Variants in LAMA2 observed in about 807,000 individuals in gnomAD.
LAMA2 encodes laminin subunit alpha 2.
A neutral mutation model predicts 364.8 loss-of-function variants in LAMA2; 269 were observed. The observed-to-expected ratio is 0.74, with a 90% CI of 0.67 to 0.82. The LOEUF (loss-of-function observed/expected upper bound fraction) is 0.82. Ranked by LOEUF, LAMA2 falls within the 40% of genes least tolerant of loss-of-function variation. The probability of loss-of-function intolerance (pLI) is 0.00; values close to 1 mark genes in which losing one functional copy is unlikely to be tolerated. For missense variants in LAMA2, 3,807 were observed against 3,873.2 expected, an observed-to-expected ratio of 0.98 and a Z score of 0.45; for synonymous variants, 1,379 against 1,370.6, an observed-to-expected ratio of 1.01 and a Z score of -0.14.
intron 40 of LAMA2, among the ~76,000 whole-genome samples, chr6:129,414,468 T>C (rs749502848): frequency 9.9e-5 from 15 of 152,090 alleles, no homozygotes; most frequent in Non-Finnish European, 2.1e-4. Flanking sequence ...TCTGTAAATA[T>C]ACAGTAAAAC....
chr6:129,092,344 C>T (rs1244856662), intron 3 of LAMA2, among the ~76,000 whole-genome samples: 1 of 152,146 alleles, frequency 6.6e-6, no homozygotes, highest in Admixed American at 6.5e-5. Flanking sequence ...TATAAAGATT[C>T]CCAGATTATT....
At chr6:129,078,084 G>C (rs1773773291) in intron 3 of LAMA2, among the ~76,000 whole-genome samples, 1 of 151,936 alleles carries the variant, frequency 6.6e-6, no homozygotes, top group Non-Finnish European at 1.5e-5. Context: ...GTGATAATAG[G>C]GGAGGTTATA....
intron 55 of LAMA2, among the ~76,000 whole-genome samples, chr6:129,483,069 A>ACCC (rs1354126953): frequency 6.8e-6 from 1 of 147,420 alleles, no homozygotes; most frequent in Non-Finnish European, 1.5e-5. Context: ...TCCGACTCGA[A>ACCC]AAAAAAAAAA....
chr6:129,408,862 T>C (rs979939830), intron 40 of LAMA2, among the ~76,000 whole-genome samples: 4 of 152,044 alleles, frequency 2.6e-5, no homozygotes, highest in African/African-American at 9.7e-5. Flanking sequence ...ACAGAATGAG[T>C]CATCCTATCC....
At chr6:129,049,533 G>A (rs1787842497) in intron 1 of LAMA2, among the ~76,000 whole-genome samples, 1 of 151,880 alleles carries the variant, frequency 6.6e-6, no homozygotes. Flanking sequence ...ACATTAACAT[G>A]CAATTATGTC....
chr6:129,468,768 T>A (rs1021668521), intron 51 of LAMA2, among the ~76,000 whole-genome samples: 1 of 151,912 alleles, frequency 6.6e-6, no homozygotes, highest in Non-Finnish European at 1.5e-5. Flanking sequence ...ATTTATTAAA[T>A]ACCAACTATG....
chr6:129,465,186 A>T lies in LAMA2; in HGVS notation c.7197A>T (p.Lys2399Asn). The change falls in exon 51 of 65, where the codon AAA becomes AAT. Residue 2399 changes from lysine (K) to asparagine (N), a missense_variant. Around this residue, in one of 3 missense-constraint regions of LAMA2, gnomAD observed 3,333 missense variants for 3,345.7 expected, o/e 1.00. Transcript: ENST00000421865. Reference protein sequence around the residue: ...MSVELTDGHIKVSYDLGSGMA... With the variant: ...MSVELTDGHINVSYDLGSGMA... ...TGGAGCTCACTGATGGGCACATAAAAGTCAGTTACGATCTGGGCTCAGGAA... is the reference window on the plus strand; with the variant it reads ...TGGAGCTCACTGATGGGCACATAAATGTCAGTTACGATCTGGGCTCAGGAA... The T allele has an allele frequency of 6.2e-7, 1 of 1,611,266 alleles. No individual in the cohort carries two copies. Among genetic ancestry groups the T allele is most frequent in the Non-Finnish European group, 8.5e-7 (1 of 1,177,964 alleles).
At chr6:129,236,277 C>CCA (rs1784976918) in intron 12 of LAMA2, among the ~76,000 whole-genome samples, 1 of 152,130 alleles carries the variant, frequency 6.6e-6, no homozygotes, top group South Asian at 2.1e-4. Context: ...GTGAGATACT[C>CCA]AACTGAGACA....
At chr6:129,121,130 T>A (rs1319927388) in intron 4 of LAMA2, among the ~76,000 whole-genome samples, 1 of 152,178 alleles carries the variant, frequency 6.6e-6, no homozygotes, top group Non-Finnish European at 1.5e-5. Context: ...AAGACCTCCT[T>A]CTCCATTGTC....
At chr6:128,890,317 T>C (rs957311577) in intron 1 of LAMA2, among the ~76,000 whole-genome samples, 5 of 152,144 alleles carry the variant, frequency 3.3e-5, no homozygotes, top group African/African-American at 1.2e-4. Flanking sequence ...AAAATTCCAA[T>C]GCTTATTTTA....
intron 9 of LAMA2, among the ~76,000 whole-genome samples, chr6:129,169,185 C>T (rs1052342667): frequency 2.7e-5 from 4 of 150,068 alleles, no homozygotes; most frequent in African/African-American, 7.5e-5. Context: ...CTGGCCAGAA[C>T]TTCCAACACT....
intron 44 of LAMA2, 74 bp from the exon 45 acceptor site, chr6:129,445,593 C>A: frequency 7.9e-7 from 1 of 1,262,554 alleles, no homozygotes; most frequent in Non-Finnish European, 1.2e-6. Context: ...TTTGGTTAAG[C>A]ATACTGCTAT....
At chr6:129,106,086 T>C (rs767596225) in intron 4 of LAMA2, among the ~76,000 whole-genome samples, 8 of 152,124 alleles carry the variant, frequency 5.3e-5, no homozygotes, top group Non-Finnish European at 1.2e-4. Flanking sequence ...TCACTTTGAT[T>C]CTGCTTTGAA....
At chr6:129,340,830 CAAAAAA>C (rs34264921) in intron 29 of LAMA2, among the ~76,000 whole-genome samples, 7 of 59,584 alleles carry the variant, frequency 1.2e-4, no homozygotes, top group Non-Finnish European at 2.1e-4. Context: ...AGCTCTGTCT[CAAAAAA>C]AAAAAAAAAA....
chr6:129,351,863 C>G (rs902739493), intron 31 of LAMA2, among the ~76,000 whole-genome samples: 1 of 152,098 alleles, frequency 6.6e-6, no homozygotes, highest in African/African-American at 2.4e-5. Context: ...AAAAAATAAT[C>G]AAAAACATGA....
At chr6:129,249,462 G>C (rs988742945) in intron 12 of LAMA2, among the ~76,000 whole-genome samples, 1 of 152,116 alleles carries the variant, frequency 6.6e-6, no homozygotes, top group African/African-American at 2.4e-5. Flanking sequence ...ATGGGGCTTG[G>C]CATGTATATT....
intron 10 of LAMA2, among the ~76,000 whole-genome samples, chr6:129,178,196 A>G (rs1013489411): frequency 2.0e-5 from 3 of 152,188 alleles, no homozygotes; most frequent in African/African-American, 7.2e-5. Context: ...GTGCATTCAA[A>G]TCTACCTTTG....
At chr6:129,479,252 G>A (rs78752218) in intron 54 of LAMA2, among the ~76,000 whole-genome samples, 4,215 of 152,226 alleles carry the variant, frequency 0.028, 163 homozygotes, top group African/African-American at 0.087. Context: ...TTAGTGCATA[G>A]TCTGTTGTCT....
chr6:129,410,926 C>T (rs1023940787), intron 40 of LAMA2, among the ~76,000 whole-genome samples: 1 of 152,096 alleles, frequency 6.6e-6, no homozygotes, highest in Non-Finnish European at 1.5e-5. Context: ...AACCACAGTT[C>T]AAGAACTAGA....
Sources: allele counts gnomAD v4.1 joint callset (sites outside exome capture counted in the v4.1 genomes callset), GRCh38; gene constraint gnomAD v4.1.1; regional missense constraint gnomAD v4.1.1; transcripts MANE v1.5; gene names NCBI Gene and HGNC (gene_info 2026-07-23, HGNC 2026-07-21).